Variants in ARID1B observed in about 807,000 individuals in gnomAD.
ARID1B encodes AT-rich interaction domain 1B.
ARID1B carries 30 observed loss-of-function variants against 212.3 expected under a neutral mutation model. The ratio of observed to expected loss-of-function variants is 0.14; its 90% confidence interval spans 0.11 to 0.19. The LOEUF (loss-of-function observed/expected upper bound fraction) is 0.19, where lower values mean the gene tolerates loss of function less well. ARID1B is among the 10% of genes least tolerant of loss of function. The pLI, the probability that ARID1B is intolerant of heterozygous loss-of-function variation, is 1.00. For missense variants in ARID1B, 2,891 were observed against 3,204.0 expected, an observed-to-expected ratio of 0.90 and a Z score of 2.36; for synonymous variants, 1,402 against 1,301.7, an observed-to-expected ratio of 1.08 and a Z score of -1.66.
At chr6:156,809,096 G>A (rs541370478) in intron 1 of ARID1B, among the ~76,000 whole-genome samples, 1 of 152,210 alleles carries the variant, frequency 6.6e-6, no homozygotes, top group Admixed American at 6.5e-5. Context: ...TAAAGTATCA[G>A]GTGTCTTTTT....
At position 156,935,521 on chromosome 6, in the gene ARID1B, A is replaced by T; in HGVS notation, c.2192A>T (p.Lys731Ile). The T allele has an allele frequency of 6.2e-7, 1 of 1,614,116 alleles. No homozygotes were observed. Among genetic ancestry groups the T allele is most frequent in the Non-Finnish European group, 8.5e-7 (1 of 1,179,962 alleles). Residue 731 changes from lysine to isoleucine, a missense_variant, in exon 4 of 20, where the codon AAA (lysine) becomes ATA (isoleucine). Physicochemically the swap from Lys to Ile is moderately radical, Grantham distance 102 (BLOSUM62 -3). This residue lies in a region of ARID1B where 1,643 missense variants were observed against 1,544.0 expected (regional missense o/e 1.06). Coordinates refer to ENST00000636930, the MANE Select transcript of ARID1B (RefSeq NM_001374828.1). ...TCTCAACCTCCTCTGGCCCCCGGAAAACCTAACCATGAAGACTTGAACTTA... is the reference window on the plus strand; with the variant it reads ...TCTCAACCTCCTCTGGCCCCCGGAATACCTAACCATGAAGACTTGAACTTA... The part of the protein sequence containing the change: ...TRSQPPLAPG[K>I]PNHEDLNLIQ...
chr6:156,821,996 G>T (rs1427615690), intron 1 of ARID1B, among the ~76,000 whole-genome samples: 1 of 151,902 alleles, frequency 6.6e-6, no homozygotes, highest in African/African-American at 2.4e-5. Context: ...AACCTTTTCT[G>T]CCTTGTCTAA....
At chr6:156,829,148 CA>C in intron 1 of ARID1B, 78 bp from the exon 2 acceptor site, 1 of 1,126,002 alleles carries the variant, frequency 8.9e-7, no homozygotes, top group Non-Finnish European at 1.3e-6. Flanking sequence ...GTTATTAATG[CA>C]TATGTTGACA....
chr6:156,934,248 A>G (rs752419637), intron 3 of ARID1B, among the ~76,000 whole-genome samples: 1 of 152,194 alleles, frequency 6.6e-6, no homozygotes, highest in Non-Finnish European at 1.5e-5. Context: ...GTATTTAACA[A>G]TTCTGTCCTG....
At chr6:157,130,820 A>G (rs973734242) in intron 6 of ARID1B, among the ~76,000 whole-genome samples, 6 of 152,232 alleles carry the variant, frequency 3.9e-5, no homozygotes, top group African/African-American at 7.2e-5. Context: ...CTCCTGAAGC[A>G]GAAACCTGCC....
chr6:156,785,453 G>C (rs1424364851), intron 1 of ARID1B, among the ~76,000 whole-genome samples: 1 of 152,118 alleles, frequency 6.6e-6, no homozygotes, highest in African/African-American at 2.4e-5. Flanking sequence ...ATGAAATCCA[G>C]AAGAAATCCT....
In ARID1B at chr6:156,812,982, A is replaced by ATG. The variant is rs1562404145; in HGVS notation, c.1792-16244_1792-16243insGT. Among the ~76,000 whole-genome samples the ATG allele has an allele frequency of 2.0e-3, 296 of 144,686 alleles. 4 individuals carry two copies. Among genetic ancestry groups the ATG allele is most frequent in the Admixed American group, 0.013 (179 of 14,124 alleles). The allele number at this position is 144,686 out of a possible 152,430, so 94.9% of individuals were successfully genotyped here. Reference sequence around the variant, plus strand: ...TGTGTGTGTGTGTGTGTGTGTATGTATATACATACGTATGTATATACATAT... The same window carrying ATG: ...TGTGTGTGTGTGTGTGTGTGTATGTATGTATACATACGTATGTATATACATAT... On this transcript the variant is annotated intron_variant, in intron 1 of 19. Transcript: ENST00000636930.
At chr6:156,836,444 CAG>C (rs1333041857) in intron 2 of ARID1B, among the ~76,000 whole-genome samples, 1 of 152,096 alleles carries the variant, frequency 6.6e-6, no homozygotes, top group African/African-American at 2.4e-5. Flanking sequence ...CTCGGTGAAT[CAG>C]AAACTCACCA....
intron 8 of ARID1B, among the ~76,000 whole-genome samples, chr6:157,157,583 C>T (rs1790656546): frequency 6.6e-6 from 1 of 152,120 alleles, no homozygotes; most frequent in South Asian, 2.1e-4. Flanking sequence ...TATATTGCAG[C>T]TTGGGGTTTG....
Position 157,208,715 on chromosome 6 carries a change from CTT to C in ARID1B, c.*841_*842del, listed in dbSNP as rs878880822. On this transcript the variant is annotated 3_prime_UTR_variant, in exon 20 of 20. Coordinates refer to ENST00000636930, the MANE Select transcript of ARID1B (RefSeq NM_001374828.1). Reference sequence around the variant, plus strand: ...AAACATACCCTCATTTTTTTCTTTTCTTTTTTTTTTTTTTTTTTAGTACAAAG... The same window carrying C: ...AAACATACCCTCATTTTTTTCTTTTCTTTTTTTTTTTTTTTTAGTACAAAG... 3,111 of 146,488 alleles carry C rather than the reference CTT, an allele frequency of 0.021. No individual in the cohort carries two copies. The highest frequency in any genetic ancestry group is 0.035 in the Middle Eastern group (17 of 486). 9.1% of individuals were successfully genotyped at this position (146,488 alleles called of 1,614,324 possible).
chr6:157,174,290 T>C (rs1583451705), intron 10 of ARID1B, 173 bp downstream of exon 10: 2 of 585,354 alleles, frequency 3.4e-6, no homozygotes, highest in East Asian at 2.9e-5. Context: ...CCCTTCATGG[T>C]GTGGATCTGA....
intron 2 of ARID1B, among the ~76,000 whole-genome samples, chr6:156,885,348 T>G (rs1466045192): frequency 6.6e-6 from 1 of 152,206 alleles, no homozygotes; most frequent in African/African-American, 2.4e-5. Context: ...TGGGTAAGTA[T>G]CATTTTATGA....
chr6:157,016,310 C>T (rs1409202871), intron 4 of ARID1B, among the ~76,000 whole-genome samples: 2 of 152,120 alleles, frequency 1.3e-5, no homozygotes, highest in South Asian at 2.1e-4. Flanking sequence ...GTGCCACCAT[C>T]GCCACCCCCC....
At chr6:156,821,950 C>T (rs1027408942) in intron 1 of ARID1B, among the ~76,000 whole-genome samples, 5 of 152,026 alleles carry the variant, frequency 3.3e-5, no homozygotes, top group African/African-American at 1.2e-4. Flanking sequence ...TAGAGGGCAC[C>T]GATAATTTCA....
At position 156,779,303 on chromosome 6, in the gene ARID1B, G is replaced by A. The variant is rs2115001808; in HGVS notation, c.1623G>A (p.Ala541=). The A allele has an allele frequency of 8.8e-7, 1 of 1,135,954 alleles. No individual in the cohort carries two copies. Among genetic ancestry groups the A allele is most frequent in the Non-Finnish European group, 1.1e-6 (1 of 928,498 alleles). 70.4% of individuals were successfully genotyped at this position (1,135,954 alleles called of 1,614,324 possible). A position where few individuals can be genotyped will look rare whatever the true frequency, so the allele number is the denominator to read the frequency against. ...PPPSQPQSQA[A]AAGAAAGGQQ... Reference sequence around the variant, plus strand: ...CGTCGCAGCCCCAGTCCCAGGCGGCGGCGGCGGGGGCGGCGGCGGGCGGCC... The same window carrying A: ...CGTCGCAGCCCCAGTCCCAGGCGGCAGCGGCGGGGGCGGCGGCGGGCGGCC... Residue 541 remains alanine, a synonymous_variant, in exon 1 of 20, where the codon GCG becomes GCA. Coordinates refer to ENST00000636930, the MANE Select transcript of ARID1B (RefSeq NM_001374828.1).
intron 2 of ARID1B, 21 bp downstream of exon 2, chr6:156,829,442 C>T (rs2128047525): frequency 6.2e-7 from 1 of 1,601,878 alleles, no homozygotes; most frequent in Non-Finnish European, 8.5e-7. Flanking sequence ...GTCCCCCGAC[C>T]CGCTGCTTTT....
chr6:157,155,533 C>G (rs149036090), intron 8 of ARID1B, among the ~76,000 whole-genome samples: 4,290 of 151,600 alleles, frequency 0.028, 79 homozygotes, highest in Non-Finnish European at 0.043. Context: ...TTACTCTTGA[C>G]TAGAAGGGAA....
In ARID1B at chr6:157,115,177, T is replaced by C. The variant is rs1213346831; in HGVS notation, c.2581+4616T>C. Reference sequence around the variant, plus strand: ...ATTGAGTTTTGTCACAGGACATCAGTCACAAATCCATTTCCCCACATTGTA... The same window carrying C: ...ATTGAGTTTTGTCACAGGACATCAGCCACAAATCCATTTCCCCACATTGTA... On this transcript the variant is annotated intron_variant, in intron 6 of 19. Coordinates refer to ENST00000636930, the MANE Select transcript of ARID1B (RefSeq NM_001374828.1). Among the ~76,000 whole-genome samples the C allele has an allele frequency of 2.6e-5, 4 of 152,296 alleles. No individual in the cohort carries two copies. The East Asian group carries it at 7.7e-4, about 29-fold the overall frequency.
At chr6:157,154,580 G>GTTTT (rs1274752634) in intron 8 of ARID1B, among the ~76,000 whole-genome samples, 11 of 111,562 alleles carry the variant, frequency 9.9e-5, no homozygotes, top group African/African-American at 2.5e-4. Context: ...TTTTTTTTTT[G>GTTTT]TTTTTTTTTT....
Sources: gnomAD v4.1 joint callset for allele counts (sites outside exome capture counted in the v4.1 genomes callset) on GRCh38, gnomAD v4.1.1 for gene constraint, gnomAD v4.1.1 regional missense constraint, MANE v1.5 for transcripts, NCBI Gene and HGNC (gene_info 2026-07-23, HGNC 2026-07-21) for gene names.